Variants in ADORA2B observed in about 807,000 individuals in gnomAD.
ADORA2B encodes adenosine receptor A2b.
In ADORA2B, 18 loss-of-function variants were observed where a neutral mutation model predicts 20.8. The ratio of observed to expected loss-of-function variants is 0.87; its 90% CI spans 0.60 to 1.29. The LOEUF is 1.29. Ranked by LOEUF, ADORA2B falls within the 50% of genes most tolerant of loss-of-function variation. The probability of loss-of-function intolerance (pLI) is 0.00; values close to 1 mark genes in which losing one functional copy is unlikely to be tolerated. For synonymous variants in ADORA2B, 179 were observed against 178.3 expected (o/e 1.00, Z -0.03); for missense variants, 441 against 422.7 (o/e 1.04, Z -0.38).
At chr17:15,916,852 A>G in the ADORA2B span, among the ~76,000 whole-genome samples, 2 of 152,190 alleles carry the variant, frequency 1.3e-5, no homozygotes, top group Non-Finnish European at 2.9e-5. Context: ...AGACCAGGAA[A>G]CTGAGGCACA....
chr17:15,909,887 T>C, the ADORA2B span, among the ~76,000 whole-genome samples: 1 of 152,194 alleles, frequency 6.6e-6, no homozygotes, highest in Non-Finnish European at 1.5e-5. Flanking sequence ...GGCACCCTAC[T>C]GGTTACCCTG....
At chr17:15,964,884 AC>A (rs980530364) in intron 1 of ADORA2B, among the ~76,000 whole-genome samples, 11 of 151,944 alleles carry the variant, frequency 7.2e-5, no homozygotes, top group African/African-American at 2.2e-4. Context: ...ACACGGTGAA[AC>A]CCCGTCTCTA....
chr17:15,851,706 CTCATA>C, the ADORA2B span, among the ~76,000 whole-genome samples: 1 of 152,192 alleles, frequency 6.6e-6, no homozygotes, highest in East Asian at 1.9e-4. Context: ...GCTTTCCAGT[CTCATA>C]TAAGTCAGTA....
At chr17:15,860,952 C>T in the ADORA2B span, 1 of 153,424 alleles carries the variant, frequency 6.5e-6, no homozygotes, top group Non-Finnish European at 1.5e-5. Flanking sequence ...GCACCTCCAC[C>T]AGAGGGAAAG....
At chr17:15,876,832 A>G in the ADORA2B span, among the ~76,000 whole-genome samples, 1 of 152,148 alleles carries the variant, frequency 6.6e-6, no homozygotes, top group African/African-American at 2.4e-5. Flanking sequence ...ATTGTTGAGT[A>G]TATTCACATT....
the ADORA2B span, among the ~76,000 whole-genome samples, chr17:15,874,095 TAC>T: frequency 9.6e-5 from 14 of 145,918 alleles, no homozygotes; most frequent in South Asian, 2.1e-4. Flanking sequence ...TATATATGTA[TAC>T]ACACACACAC....
At chr17:15,891,792 C>G in the ADORA2B span, among the ~76,000 whole-genome samples, 1 of 151,150 alleles carries the variant, frequency 6.6e-6, no homozygotes, top group African/African-American at 2.4e-5. Flanking sequence ...AGTGACTGTC[C>G]TGCCTCAGCC....
chr17:15,859,326 G>A, the ADORA2B span, among the ~76,000 whole-genome samples: 1 of 151,758 alleles, frequency 6.6e-6, no homozygotes, highest in Non-Finnish European at 1.5e-5. Context: ...TCAACATTGA[G>A]ATCATCAGAA....
At chr17:15,873,100 C>T in the ADORA2B span, among the ~76,000 whole-genome samples, 1 of 152,128 alleles carries the variant, frequency 6.6e-6, no homozygotes, top group Non-Finnish European at 1.5e-5. Flanking sequence ...TTGTTAAGAG[C>T]TTTTATCATA....
the ADORA2B span, among the ~76,000 whole-genome samples, chr17:15,896,291 A>G: frequency 6.6e-6 from 1 of 152,234 alleles, no homozygotes; most frequent in African/African-American, 2.4e-5. Context: ...ATAAATAATA[A>G]GAGACTACAA....
the ADORA2B span, among the ~76,000 whole-genome samples, chr17:15,872,221 G>C: frequency 1.8e-4 from 27 of 152,266 alleles, no homozygotes; most frequent in African/African-American, 6.5e-4. Flanking sequence ...CATTGGGAAT[G>C]TACTAAAAGC....
chr17:15,975,207 T>C lies in ADORA2B; in HGVS notation c.864T>C (p.Ile288=). ...LSHANSVVNP[I]VYAYRNRDFR... ...ATGCCAATTCAGTTGTCAATCCCAT[T>C]GTCTATGCTTACCGGAACCGAGACT... The change falls in exon 2 of 2, where the codon ATT becomes ATC. Residue 288 remains isoleucine (I), a synonymous_variant. Transcript: ENST00000304222. 1.2e-6 allele frequency: 2 copies of C among 1,614,088 alleles called. No individual in the cohort carries two copies. The highest frequency in any genetic ancestry group is 1.7e-6 in the Non-Finnish European group (2 of 1,180,030).
chr17:15,974,644 A>G (rs1970225958), intron 1 of ADORA2B, 35 bp from the exon 2 acceptor site: 2 of 1,585,388 alleles, frequency 1.3e-6, no homozygotes, highest in Non-Finnish European at 1.7e-6. Flanking sequence ...AGAGCGCTAT[A>G]AACTGACCGT....
chr17:15,904,391 C>CTTT, the ADORA2B span, among the ~76,000 whole-genome samples: 18 of 126,398 alleles, frequency 1.4e-4, no homozygotes, highest in Non-Finnish European at 2.1e-4. Context: ...TGTACTTCTG[C>CTTT]TTTTTTTTTT....
At chr17:15,860,019 C>T in the ADORA2B span, among the ~76,000 whole-genome samples, 2 of 152,156 alleles carry the variant, frequency 1.3e-5, no homozygotes, top group Non-Finnish European at 2.9e-5. Context: ...GTTAAAAGAT[C>T]GACCCCTGAC....
the ADORA2B span, among the ~76,000 whole-genome samples, chr17:15,881,310 C>G: frequency 6.6e-6 from 1 of 152,054 alleles, no homozygotes. Flanking sequence ...ACTGTGTTAG[C>G]CAGGATGGTC....
chr17:15,883,289 C>A, the ADORA2B span, among the ~76,000 whole-genome samples: 4 of 152,172 alleles, frequency 2.6e-5, no homozygotes, highest in Non-Finnish European at 2.9e-5. Flanking sequence ...AAAAAAATTT[C>A]TCTTACTAAA....
chr17:15,928,940 G>A, the ADORA2B span, among the ~76,000 whole-genome samples: 2 of 152,138 alleles, frequency 1.3e-5, no homozygotes, highest in African/African-American at 4.8e-5. Context: ...TGGAGAGGCT[G>A]GGTTGTTACG....
the ADORA2B span, among the ~76,000 whole-genome samples, chr17:15,936,869 T>A: frequency 2.6e-5 from 4 of 152,248 alleles, no homozygotes; most frequent in East Asian, 7.7e-4. Flanking sequence ...GACAAAAGGA[T>A]CACTGGAGCC....
Sources: allele counts gnomAD v4.1 joint callset (sites outside exome capture counted in the v4.1 genomes callset), GRCh38; gene constraint gnomAD v4.1.1; transcripts MANE v1.5; gene names NCBI Gene and HGNC (gene_info 2026-07-23, HGNC 2026-07-21).